The following CECR2 variants were observed in gnomAD, a reference collection of about 807,000 sequenced individuals.
The protein encoded by CECR2 is chromatin remodeling regulator CECR2.
A neutral mutation model predicts 154.5 loss-of-function variants in CECR2; 30 were observed. The observed-to-expected ratio is 0.19, with a 90% CI of 0.15 to 0.26. The LOEUF is 0.26. Ranked by LOEUF, CECR2 falls within the 10% of genes least tolerant of loss-of-function variation. The pLI, the probability that CECR2 is intolerant of heterozygous loss-of-function variation, is 1.00. For missense variants in CECR2, 1,743 were observed against 1,829.3 expected (o/e 0.95, Z 0.86); for synonymous variants, 725 against 683.7 (o/e 1.06, Z -0.94).
chr22:17,443,747 C>T (rs1167043779), intron 1 of CECR2, among the ~76,000 whole-genome samples: 2 of 152,062 alleles, frequency 1.3e-5, no homozygotes, highest in Admixed American at 6.6e-5. Flanking sequence ...CCTGGTTTAG[C>T]CTACTTTATC....
chr22:17,405,439 A>G (rs1315406128), intron 1 of CECR2, among the ~76,000 whole-genome samples: 1 of 143,112 alleles, frequency 7.0e-6, no homozygotes, highest in African/African-American at 2.6e-5. Context: ...GATAAGATAA[A>G]ATAAGATAAA....
At chr22:17,471,987 A>ATAT (rs1460523872) in intron 1 of CECR2, among the ~76,000 whole-genome samples, 2 of 152,092 alleles carry the variant, frequency 1.3e-5, no homozygotes, top group Admixed American at 1.3e-4. Flanking sequence ...AGTTAACCTA[A>ATAT]TATTTAGAGT....
chr22:17,529,697 C>G (rs1212629452), intron 9 of CECR2, among the ~76,000 whole-genome samples: 1 of 143,892 alleles, frequency 6.9e-6, no homozygotes, highest in Admixed American at 7.0e-5. Context: ...AAGATTCCGT[C>G]TCAAAAAAAA....
intron 1 of CECR2, among the ~76,000 whole-genome samples, chr22:17,451,406 A>G (rs1232208180): frequency 6.6e-6 from 1 of 152,200 alleles, no homozygotes; most frequent in Non-Finnish European, 1.5e-5. Flanking sequence ...ATGAATACCT[A>G]CTTGTGGCTA....
chr22:17,424,234 G>A (rs938693690), intron 1 of CECR2, among the ~76,000 whole-genome samples: 7 of 152,096 alleles, frequency 4.6e-5, no homozygotes, highest in Admixed American at 2.0e-4. Context: ...CACCACACCC[G>A]GCCATGGTTA....
intron 1 of CECR2, among the ~76,000 whole-genome samples, chr22:17,475,426 A>C (rs2146786233): frequency 6.6e-6 from 1 of 152,132 alleles, no homozygotes; most frequent in South Asian, 2.1e-4. Flanking sequence ...GAAGCCAGTT[A>C]ACCTTTCTGG....
intron 6 of CECR2, 69 bp from the exon 7 acceptor site, chr22:17,504,778 A>G: frequency 6.9e-7 from 1 of 1,441,944 alleles, no homozygotes; most frequent in Non-Finnish European, 9.5e-7. Flanking sequence ...AGTAGAAACA[A>G]AATTGAGAAT....
intron 1 of CECR2, among the ~76,000 whole-genome samples, chr22:17,418,105 A>C (rs112255228): frequency 5.3e-5 from 8 of 152,230 alleles, no homozygotes; most frequent in South Asian, 2.1e-4. Context: ...ACCACCCCCC[A>C]AAAAATATAA....
chr22:17,534,725 G>A (rs1258594724), intron 9 of CECR2: 1 of 146,482 alleles, frequency 6.8e-6, no homozygotes, highest in African/African-American at 2.5e-5. Flanking sequence ...TAGAGACAGG[G>A]TTTCACTGTG....
Position 17,504,861 on chromosome 22 carries a change from G to C in CECR2, c.715G>C (p.Gly239Arg). Residue 239 changes from glycine to arginine, a missense_variant, in exon 7 of 19, where the codon GGC becomes CGC. By Grantham distance (125) the Gly-to-Arg change is moderately radical. Around this residue, in one of 4 missense-constraint regions of CECR2, gnomAD observed 292 missense variants for 301.2 expected, o/e 0.97. Transcript: ENST00000262608. ...TTATTTTCTAGGGTCCCAAGGGCCA[G>C]GCCAAGGTACTTGGTGGCTCCTGTG... ...PQTRHGSQGP[G>R]QGTWWLLCQT... The C allele has an allele frequency of 6.2e-7, 1 of 1,613,826 alleles. No homozygotes were observed. Among genetic ancestry groups the C allele is most frequent in the Non-Finnish European group, 8.5e-7 (1 of 1,179,834 alleles).
intron 1 of CECR2, among the ~76,000 whole-genome samples, chr22:17,421,241 G>A (rs2054242020): frequency 6.6e-6 from 1 of 152,074 alleles, no homozygotes; most frequent in South Asian, 2.1e-4. Context: ...CAGCACGTTG[G>A]GAGGCCGAGG....
At chr22:17,429,553 AAAAC>A (rs1313439890) in intron 1 of CECR2, among the ~76,000 whole-genome samples, 2 of 151,372 alleles carry the variant, frequency 1.3e-5, no homozygotes, top group Non-Finnish European at 2.9e-5. Context: ...AACAAAAACA[AAAAC>A]AAAGAAAAGA....
intron 1 of CECR2, among the ~76,000 whole-genome samples, chr22:17,451,468 A>G (rs1335924506): frequency 6.6e-6 from 1 of 152,142 alleles, no homozygotes; most frequent in Non-Finnish European, 1.5e-5. Flanking sequence ...CTAGGACGAG[A>G]TTGCAATCTC....
At chr22:17,386,128 A>G (rs766767081) in intron 1 of CECR2, among the ~76,000 whole-genome samples, 4 of 152,204 alleles carry the variant, frequency 2.6e-5, no homozygotes, top group Non-Finnish European at 5.9e-5. Context: ...CTCCGCAGCG[A>G]CAAGGTCTGC....
chr22:17,542,949 A>T lies in CECR2; in HGVS notation c.2806A>T (p.Asn936Tyr), dbSNP rs751613694. The T allele has an allele frequency of 4.3e-6, 7 of 1,613,590 alleles. No individual in the cohort carries two copies. In the South Asian group the frequency reaches 7.7e-5, roughly 18 times the overall value. Reference sequence around the variant, plus strand: ...GTCAGCCCCCAAGCCTGCCCTGGGCAACCCTGGGAGGGCACCGGAGAACAG... The same window carrying T: ...GTCAGCCCCCAAGCCTGCCCTGGGCTACCCTGGGAGGGCACCGGAGAACAG... Reference protein sequence around the residue: ...TVSAPKPALGNPGRAPENSEA... With the variant: ...TVSAPKPALGYPGRAPENSEA... Residue 936 changes from asparagine (N) to tyrosine (Y), a missense_variant, in exon 16 of 19, where the codon AAC becomes TAC. Around this residue, in one of 4 missense-constraint regions of CECR2, gnomAD observed 1,250 missense variants for 1,192.1 expected, o/e 1.05. Coordinates refer to ENST00000262608, the MANE Select transcript of CECR2 (RefSeq NM_001290047.2).
intron 1 of CECR2, among the ~76,000 whole-genome samples, chr22:17,371,748 C>T (rs2063063696): frequency 1.3e-5 from 2 of 152,150 alleles, no homozygotes; most frequent in Admixed American, 6.5e-5. Context: ...ATTATGAGTT[C>T]AGAGTTTAAA....
intron 1 of CECR2, among the ~76,000 whole-genome samples, chr22:17,382,096 T>G (rs137973263): frequency 0.021 from 3,161 of 151,512 alleles, 115 homozygotes; most frequent in African/African-American, 0.072. Context: ...TTCGCCGTGT[T>G]AGCCAGGATG....
chr22:17,466,404 G>A (rs2055032926), intron 1 of CECR2, among the ~76,000 whole-genome samples: 1 of 152,112 alleles, frequency 6.6e-6, no homozygotes, highest in Non-Finnish European at 1.5e-5. Flanking sequence ...TAAGCATTTG[G>A]ATTCAAGGTA....
chr22:17,478,706 C>T (rs2055253919), intron 2 of CECR2, among the ~76,000 whole-genome samples: 1 of 151,988 alleles, frequency 6.6e-6, no homozygotes, highest in Non-Finnish European at 1.5e-5. Flanking sequence ...GGCTGGGAAA[C>T]GATGCTTGTT....
Sources: allele counts gnomAD v4.1 joint callset (sites outside exome capture counted in the v4.1 genomes callset), GRCh38; gene constraint gnomAD v4.1.1; regional missense constraint gnomAD v4.1.1; transcripts MANE v1.5; gene names NCBI Gene and HGNC (gene_info 2026-07-23, HGNC 2026-07-21).